The following ATXN7L1 variants were observed in gnomAD, a reference collection of about 807,000 sequenced individuals.
ATXN7L1 encodes ataxin 7 like 1.
ATXN7L1 carries 15 observed loss-of-function variants against 70.8 expected under a neutral mutation model. The observed-to-expected ratio is 0.21, with a 90% CI of 0.14 to 0.33. The LOEUF is 0.33. ATXN7L1 is among the 10% of genes least tolerant of loss of function. ATXN7L1 has a pLI of 1.00. For synonymous variants in ATXN7L1, 440 were observed against 445.1 expected, an observed-to-expected ratio of 0.99 and a Z score of 0.14; for missense variants, 975 against 1,097.1, an observed-to-expected ratio of 0.89 and a Z score of 1.57.
chr7:105,864,767 A>C lies in ATXN7L1; in HGVS notation c.250+11045T>G, dbSNP rs185522219. Among the ~76,000 whole-genome samples, 3 of 151,972 alleles carry C rather than the reference A, an allele frequency of 2.0e-5. No homozygotes were observed. In the East Asian group the frequency reaches 5.9e-4, roughly 30 times the overall value. On this transcript the variant is annotated intron_variant, in intron 2 of 11. Transcript: ENST00000419735. The stretch of plus-strand genomic sequence containing the variant: ...TTCTGCCTCAGCCTCCCAAGCAGCT[A>C]GGACTACAAGCACATGCCACCATAC...
chr7:105,650,116 T>A (rs2115973647), intron 4 of ATXN7L1, among the ~76,000 whole-genome samples: 1 of 152,338 alleles, frequency 6.6e-6, no homozygotes, highest in African/African-American at 2.4e-5. Flanking sequence ...ATTATTTATA[T>A]CCAATCTAAA....
intron 3 of ATXN7L1, chr7:105,678,092 CTT>C (rs66850827): frequency 0.022 from 11,159 of 508,638 alleles, no homozygotes; most frequent in Non-Finnish European, 0.025. Context: ...CAGACACATA[CTT>C]TTTTTTTTTT....
chr7:105,721,120 C>T (rs966007643), intron 3 of ATXN7L1, among the ~76,000 whole-genome samples: 2 of 152,094 alleles, frequency 1.3e-5, no homozygotes, highest in East Asian at 1.9e-4. Flanking sequence ...GTGAAGTGGC[C>T]GGTCCAGAAC....
At chr7:105,735,232 A>T (rs1040653584) in intron 3 of ATXN7L1, among the ~76,000 whole-genome samples, 2 of 152,186 alleles carry the variant, frequency 1.3e-5, no homozygotes, top group African/African-American at 4.8e-5. Context: ...CCTTTTATAC[A>T]GTACTAGCTC....
At chr7:105,741,106 T>A (rs1797979565) in intron 3 of ATXN7L1, among the ~76,000 whole-genome samples, 1 of 152,064 alleles carries the variant, frequency 6.6e-6, no homozygotes, top group African/African-American at 2.4e-5. Context: ...GTGAGAACCC[T>A]AAGCCCCAGA....
intron 2 of ATXN7L1, among the ~76,000 whole-genome samples, chr7:105,799,874 G>T (rs1259620230): frequency 6.6e-6 from 1 of 152,202 alleles, no homozygotes; most frequent in Non-Finnish European, 1.5e-5. Context: ...CCAGGAATGG[G>T]TGCTTATAAA....
At chr7:105,664,575 G>GTGTATATATATATATATATATATA in intron 4 of ATXN7L1, among the ~76,000 whole-genome samples, 1 of 131,988 alleles carries the variant, frequency 7.6e-6, no homozygotes, top group Non-Finnish European at 1.6e-5. Flanking sequence ...GTATGTGTGT[G>GTGTATATATATATATATATATATA]TATATATATA....
At chr7:105,839,793 T>C (rs1321642077) in intron 2 of ATXN7L1, among the ~76,000 whole-genome samples, 1 of 152,208 alleles carries the variant, frequency 6.6e-6, no homozygotes, top group Admixed American at 6.5e-5. Flanking sequence ...GAAAGAGGAA[T>C]ATAAATGAGA....
intron 2 of ATXN7L1, among the ~76,000 whole-genome samples, chr7:105,833,642 A>G (rs532032139): frequency 2.9e-4 from 44 of 152,376 alleles, no homozygotes; most frequent in African/African-American, 1.0e-3. Flanking sequence ...CAGAGAAAGT[A>G]TAGTTAACAT....
intron 2 of ATXN7L1, among the ~76,000 whole-genome samples, chr7:105,796,899 C>T (rs1806071214): frequency 1.3e-5 from 2 of 152,128 alleles, no homozygotes; most frequent in African/African-American, 4.8e-5. Flanking sequence ...CTGAAAATGA[C>T]CTCAGACTCG....
chr7:105,673,924 A>G (rs1283926554), intron 3 of ATXN7L1, among the ~76,000 whole-genome samples: 2 of 152,230 alleles, frequency 1.3e-5, no homozygotes, highest in Non-Finnish European at 2.9e-5. Flanking sequence ...AGCCTTGCTC[A>G]GCAGAGGAGG....
chr7:105,705,790 G>T (rs1793086452), intron 3 of ATXN7L1, among the ~76,000 whole-genome samples: 1 of 152,110 alleles, frequency 6.6e-6, no homozygotes, highest in South Asian at 2.1e-4. Context: ...GCGCATTTGG[G>T]ACACTTAGGA....
At chr7:105,739,396 G>T (rs555958172) in intron 3 of ATXN7L1, among the ~76,000 whole-genome samples, 8 of 152,186 alleles carry the variant, frequency 5.3e-5, no homozygotes, top group Non-Finnish European at 8.8e-5. Flanking sequence ...TGAGAAGCAC[G>T]CCCAGAAGGC....
In ATXN7L1 at chr7:105,629,313, T is replaced by C. The variant is rs564316467; in HGVS notation, c.1203-5046A>G. 3.3e-5 allele frequency among the ~76,000 whole-genome samples: 5 copies of C among 152,230 alleles called. 1 individual carries two copies. The highest frequency in any genetic ancestry group is 1.2e-4 in the African/African-American group (5 of 41,564). On this transcript the variant is annotated intron_variant, in intron 7 of 11. Transcript: ENST00000419735. The stretch of plus-strand genomic sequence containing the variant: ...CAAACAACTGGCACTCTACTCTCTC[T>C]GTGAATTTGGCTTTTTTAGATTCCA...
In ATXN7L1 at chr7:105,791,135, G is replaced by A. The variant is rs900556390; in HGVS notation, c.251-2427C>T. Reference sequence around the variant, plus strand: ...GAGGCCCCCACTTGCCCTGAAGGAAGCCTATGATTGAAAGAGTGGACCAGG... The same window carrying A: ...GAGGCCCCCACTTGCCCTGAAGGAAACCTATGATTGAAAGAGTGGACCAGG... On this transcript the variant is annotated intron_variant, in intron 2 of 11. Coordinates refer to ENST00000419735, the MANE Select transcript of ATXN7L1 (RefSeq NM_020725.2). 3.9e-5 allele frequency among the ~76,000 whole-genome samples: 6 copies of A among 152,252 alleles called. No individual in the cohort carries two copies. The East Asian group carries it at 1.2e-3, about 29-fold the overall frequency.
At chr7:105,621,553 CTT>C (rs1297388302) in intron 8 of ATXN7L1, among the ~76,000 whole-genome samples, 1 of 152,206 alleles carries the variant, frequency 6.6e-6, no homozygotes, top group East Asian at 1.9e-4. Flanking sequence ...CACTATCTCT[CTT>C]AAAATATGTG....
intron 2 of ATXN7L1, among the ~76,000 whole-genome samples, chr7:105,857,952 G>A (rs1433954894): frequency 6.6e-6 from 1 of 152,078 alleles, no homozygotes; most frequent in Non-Finnish European, 1.5e-5. Context: ...AAGAATCATA[G>A]GCTGGTGCAG....
At chr7:105,811,269 G>A (rs1226258118) in intron 2 of ATXN7L1, among the ~76,000 whole-genome samples, 1 of 152,150 alleles carries the variant, frequency 6.6e-6, no homozygotes, top group Non-Finnish European at 1.5e-5. Context: ...GATAAAGGAG[G>A]CAGAGCCGGG....
intron 3 of ATXN7L1, among the ~76,000 whole-genome samples, chr7:105,716,242 A>G (rs1226862975): frequency 6.6e-6 from 1 of 152,134 alleles, no homozygotes; most frequent in African/African-American, 2.4e-5. Context: ...TACTTATTAT[A>G]TATTTCATTA....
Sources: allele counts gnomAD v4.1 joint callset (sites outside exome capture counted in the v4.1 genomes callset), GRCh38; gene constraint gnomAD v4.1.1; transcripts MANE v1.5; gene names NCBI Gene and HGNC (gene_info 2026-07-23, HGNC 2026-07-21).